Variants in TMEM108 observed in about 807,000 individuals in gnomAD.
TMEM108 encodes the protein transmembrane protein 108.
Under a neutral mutation model 35.1 loss-of-function variants are expected in TMEM108, and 12 were observed. That is an observed-to-expected ratio of 0.34 (90% CI 0.22 to 0.55). The LOEUF (loss-of-function observed/expected upper bound fraction) is 0.55, where lower values mean the gene tolerates loss of function less well. TMEM108 is among the 20% of genes least tolerant of loss of function. The probability of loss-of-function intolerance (pLI) is 0.89; values close to 1 mark genes in which losing one functional copy is unlikely to be tolerated. For missense variants in TMEM108, 680 were observed against 753.3 expected (o/e 0.90, Z 1.14); for synonymous variants, 287 against 308.6 (o/e 0.93, Z 0.73).
intron 2 of TMEM108, among the ~76,000 whole-genome samples, chr3:133,166,663 G>A (rs565640619): frequency 7.2e-5 from 11 of 152,228 alleles, no homozygotes; most frequent in East Asian, 3.9e-4. Context: ...CATTCCTCCC[G>A]GTGGGTTCAT....
intron 2 of TMEM108, among the ~76,000 whole-genome samples, chr3:133,098,194 A>G (rs1171444701): frequency 6.6e-6 from 1 of 152,234 alleles, no homozygotes; most frequent in Non-Finnish European, 1.5e-5. Flanking sequence ...GTGGGAGGCA[A>G]AAGGCACTTC....
At chr3:133,156,306 G>A (rs1171553181) in intron 2 of TMEM108, among the ~76,000 whole-genome samples, 10 of 152,140 alleles carry the variant, frequency 6.6e-5, no homozygotes, top group African/African-American at 2.4e-4. Flanking sequence ...AAGGAACTAT[G>A]TGACAATATA....
intron 2 of TMEM108, among the ~76,000 whole-genome samples, chr3:133,073,890 A>G (rs1395038855): frequency 6.6e-6 from 1 of 151,886 alleles, no homozygotes; most frequent in African/African-American, 2.4e-5. Flanking sequence ...TTTGATCTGT[A>G]TTTCCTTGAT....
chr3:133,070,862 A>T (rs1668598735), intron 2 of TMEM108, among the ~76,000 whole-genome samples: 1 of 151,914 alleles, frequency 6.6e-6, no homozygotes, highest in Non-Finnish European at 1.5e-5. Flanking sequence ...TGAGGGTGCT[A>T]GGGTACTGCA....
chr3:133,317,989 T>C (rs551702458), intron 3 of TMEM108, among the ~76,000 whole-genome samples: 22 of 152,206 alleles, frequency 1.4e-4, no homozygotes, highest in African/African-American at 4.3e-4. Flanking sequence ...AATTTTGGAA[T>C]AGAAATGGGT....
At chr3:133,225,783 T>C (rs893203501) in intron 2 of TMEM108, among the ~76,000 whole-genome samples, 1 of 152,206 alleles carries the variant, frequency 6.6e-6, no homozygotes, top group African/African-American at 2.4e-5. Flanking sequence ...TAAACACTTA[T>C]TGTTCTAGTT....
chr3:133,110,797 G>A (rs1461430506), intron 2 of TMEM108, among the ~76,000 whole-genome samples: 1 of 152,244 alleles, frequency 6.6e-6, no homozygotes, highest in East Asian at 1.9e-4. Context: ...TATAGGCTTT[G>A]TTAAAGTCCA....
intron 2 of TMEM108, among the ~76,000 whole-genome samples, chr3:133,115,796 C>A (rs926302080): frequency 6.6e-6 from 1 of 152,236 alleles, no homozygotes; most frequent in African/African-American, 2.4e-5. Flanking sequence ...AGGTATTTCA[C>A]ATAACATCAT....
chr3:133,306,098 T>C (rs941762485), intron 3 of TMEM108, among the ~76,000 whole-genome samples: 1 of 152,198 alleles, frequency 6.6e-6, no homozygotes, highest in Non-Finnish European at 1.5e-5. Context: ...CACAAAACTT[T>C]TTAATTTTTA....
chr3:133,326,247 T>G (rs2071331993), intron 3 of TMEM108, among the ~76,000 whole-genome samples: 1 of 152,172 alleles, frequency 6.6e-6, no homozygotes, highest in Admixed American at 6.5e-5. Context: ...AAAACACATG[T>G]ACTAGTGCCC....
At chr3:133,245,787 A>G (rs1946377572) in intron 3 of TMEM108, among the ~76,000 whole-genome samples, 1 of 152,270 alleles carries the variant, frequency 6.6e-6, no homozygotes, top group Non-Finnish European at 1.5e-5. Context: ...TCTAATGGAC[A>G]TAGAACACAA....
At chr3:133,061,066 C>T (rs1417921617) in intron 2 of TMEM108, among the ~76,000 whole-genome samples, 1 of 152,082 alleles carries the variant, frequency 6.6e-6, no homozygotes, top group Non-Finnish European at 1.5e-5. Flanking sequence ...AGCCTATTTA[C>T]ATAAAATTGT....
intron 1 of TMEM108, among the ~76,000 whole-genome samples, chr3:133,038,820 TCA>T (rs1016283329): frequency 6.6e-6 from 1 of 152,102 alleles, no homozygotes. Flanking sequence ...GGGGGACCTG[TCA>T]CATGGGGAAA....
intron 2 of TMEM108, among the ~76,000 whole-genome samples, chr3:133,052,475 TTTTAATTTAA>T (rs1209382789): frequency 6.6e-6 from 1 of 151,700 alleles, no homozygotes; most frequent in East Asian, 1.9e-4. Context: ...ATTCCTTTTA[TTTTAATTTAA>T]TTTAATTTTA....
chr3:133,103,933 A>T (rs185980365), intron 2 of TMEM108, among the ~76,000 whole-genome samples: 1 of 152,226 alleles, frequency 6.6e-6, no homozygotes, highest in South Asian at 2.1e-4. Context: ...TGCCTTCAGT[A>T]TATTCTAGCA....
intron 2 of TMEM108, among the ~76,000 whole-genome samples, chr3:133,216,844 A>G (rs1945916604): frequency 6.6e-6 from 1 of 152,122 alleles, no homozygotes; most frequent in South Asian, 2.1e-4. Context: ...GTTGACAGAT[A>G]CTTAGGTTGA....
intron 3 of TMEM108, among the ~76,000 whole-genome samples, chr3:133,243,835 TTAA>T (rs1559880081): frequency 6.6e-6 from 1 of 152,202 alleles, no homozygotes; most frequent in Non-Finnish European, 1.5e-5. Flanking sequence ...CATGTCTTTT[TTAA>T]TGAGTGTCGT....
chr3:133,122,578 A>G lies in TMEM108; in HGVS notation c.-47+76558A>G, dbSNP rs116579564. The stretch of plus-strand genomic sequence containing the variant: ...ATATTCCTTGTTTTAAAAATTGGTC[A>G]ACATTGGCCAGGCACGGTGGCTCAC... On this transcript the variant is annotated intron_variant, in intron 2 of 5. Coordinates refer to ENST00000321871, the MANE Select transcript of TMEM108 (RefSeq NM_023943.4). 2.3e-3 allele frequency among the ~76,000 whole-genome samples: 348 copies of G among 152,268 alleles called. 1 individual carries two copies. Among genetic ancestry groups the G allele is most frequent in the African/African-American group, 7.8e-3 (324 of 41,550 alleles).
intron 3 of TMEM108, among the ~76,000 whole-genome samples, chr3:133,321,062 A>T (rs2071261268): frequency 6.6e-6 from 1 of 152,176 alleles, no homozygotes; most frequent in African/African-American, 2.4e-5. Flanking sequence ...ACCAAAATAG[A>T]ATCTTCTTAA....
Sources: gnomAD v4.1 joint callset for allele counts (sites outside exome capture counted in the v4.1 genomes callset) on GRCh38, gnomAD v4.1.1 for gene constraint, MANE v1.5 for transcripts, NCBI Gene and HGNC (gene_info 2026-07-23, HGNC 2026-07-21) for gene names.